DCLK1: variants seen among roughly 807,000 people sequenced by gnomAD.
DCLK1 encodes the protein doublecortin like kinase 1, also known as serine/threonine-protein kinase DCLK1.
A neutral mutation model predicts 86.2 loss-of-function variants in DCLK1; 16 were observed. The ratio of observed to expected loss-of-function variants is 0.19; its 90% CI spans 0.13 to 0.28. The LOEUF is 0.28. Among genes scored for constraint, DCLK1 ranks in the 10% least tolerant of loss-of-function variants. DCLK1 has a pLI of 1.00. For missense variants in DCLK1, 590 were observed against 940.2 expected (o/e 0.63, Z 4.87); for synonymous variants, 369 against 370.5 (o/e 1.00, Z 0.05).
intron 15 of DCLK1, among the ~76,000 whole-genome samples, chr13:35,796,393 G>A (rs909474263): frequency 6.6e-6 from 1 of 152,194 alleles, no homozygotes; most frequent in African/African-American, 2.4e-5. Context: ...ATACGAGAAA[G>A]GGCAGGGTAG....
intron 3 of DCLK1, among the ~76,000 whole-genome samples, chr13:35,990,210 G>A (rs1259821188): frequency 1.3e-5 from 2 of 152,168 alleles, no homozygotes; most frequent in African/African-American, 2.4e-5. Context: ...AGTACAAGTT[G>A]TACTAATACT....
intron 16 of DCLK1, among the ~76,000 whole-genome samples, chr13:35,776,484 G>A (rs983851791): frequency 1.3e-5 from 2 of 152,190 alleles, no homozygotes; most frequent in Non-Finnish European, 1.5e-5. Flanking sequence ...GCAGTCAGAT[G>A]TGGGGAAGAA....
chr13:35,815,596 C>T (rs1209670606), intron 11 of DCLK1, among the ~76,000 whole-genome samples: 2 of 152,162 alleles, frequency 1.3e-5, no homozygotes, highest in African/African-American at 4.8e-5. Flanking sequence ...GAAAAAACGT[C>T]AATTTACTTT....
chr13:35,869,282 C>T (rs1281079327), intron 5 of DCLK1, among the ~76,000 whole-genome samples: 1 of 152,198 alleles, frequency 6.6e-6, no homozygotes, highest in Non-Finnish European at 1.5e-5. Flanking sequence ...TGGTATCTCC[C>T]TTGAAGGGAG....
intron 3 of DCLK1, among the ~76,000 whole-genome samples, chr13:36,070,005 C>G (rs1926318): frequency 6.6e-6 from 1 of 151,790 alleles, no homozygotes; most frequent in South Asian, 2.1e-4. Context: ...ACTTTATGTC[C>G]GGTGAAGAGT....
chr13:36,005,523 A>G (rs1440107568), intron 3 of DCLK1, among the ~76,000 whole-genome samples: 1 of 152,226 alleles, frequency 6.6e-6, no homozygotes, highest in African/African-American at 2.4e-5. Context: ...TAAAATCTAA[A>G]AAGATGGGAA....
intron 3 of DCLK1, among the ~76,000 whole-genome samples, chr13:35,957,833 C>T (rs1202052088): frequency 8.1e-6 from 1 of 123,422 alleles, no homozygotes; most frequent in Non-Finnish European, 1.8e-5. Flanking sequence ...GCAAATTAGT[C>T]TTCTTAAGTA....
chr13:36,075,425 T>A (rs1333699848), intron 3 of DCLK1, among the ~76,000 whole-genome samples: 1 of 152,188 alleles, frequency 6.6e-6, no homozygotes, highest in African/African-American at 2.4e-5. Flanking sequence ...GGCAGAGATA[T>A]TACTTGTATG....
intron 3 of DCLK1, among the ~76,000 whole-genome samples, chr13:35,980,664 C>T (rs766245434): frequency 4.6e-5 from 7 of 152,096 alleles, no homozygotes; most frequent in Admixed American, 2.0e-4. Context: ...GGGCTGGGTG[C>T]GGGGATGGTT....
chr13:36,037,024 A>G (rs1312287052), intron 3 of DCLK1, among the ~76,000 whole-genome samples: 1 of 152,226 alleles, frequency 6.6e-6, no homozygotes, highest in Non-Finnish European at 1.5e-5. Flanking sequence ...TGTGATATAT[A>G]TATCACACAC....
At chr13:35,886,418 G>A (rs1873250404) in intron 4 of DCLK1, among the ~76,000 whole-genome samples, 2 of 152,166 alleles carry the variant, frequency 1.3e-5, no homozygotes, top group African/African-American at 4.8e-5. Flanking sequence ...AATATTGGCA[G>A]GCTTTAGAAT....
chr13:35,815,421 G>C (rs1028741421), intron 11 of DCLK1, among the ~76,000 whole-genome samples: 8 of 152,280 alleles, frequency 5.3e-5, no homozygotes, highest in Non-Finnish European at 1.0e-4. Flanking sequence ...TGGAACAAAC[G>C]TAATTCTCAG....
intron 2 of DCLK1, among the ~76,000 whole-genome samples, chr13:36,120,480 A>G (rs116142937): frequency 6.6e-6 from 1 of 152,180 alleles, no homozygotes; most frequent in African/African-American, 2.4e-5. Context: ...GCTATACCAT[A>G]TAGCCTAGGT....
chr13:36,036,870 C>T (rs375169970), intron 3 of DCLK1, among the ~76,000 whole-genome samples: 1 of 152,074 alleles, frequency 6.6e-6, no homozygotes, highest in Non-Finnish European at 1.5e-5. Flanking sequence ...TCCAGCAATT[C>T]CTCTACTGGG....
rs139444958 is a variant in DCLK1, at chr13:36,043,594, G to A, written c.723+68275C>T. Among the ~76,000 whole-genome samples the A allele has an allele frequency of 4.6e-3, 702 of 152,126 alleles. 5 individuals carry two copies. Among genetic ancestry groups the A allele is most frequent in the African/African-American group, 0.016 (649 of 41,524 alleles). ...AGATTCTCACCAATACATATCATTC[G>A]CAAAATTATTTCACAATATCAGAGA... On this transcript the variant is annotated intron_variant, in intron 3 of 16. Coordinates refer to ENST00000360631, the MANE Select transcript of DCLK1 (RefSeq NM_001330071.2).
At chr13:35,973,851 G>C (rs73178264) in intron 3 of DCLK1, among the ~76,000 whole-genome samples, 13,219 of 152,178 alleles carry the variant, frequency 0.087, 760 homozygotes, top group Middle Eastern at 0.16. Context: ...CCTGGAGGAG[G>C]TCAGAGCACA....
intron 3 of DCLK1, among the ~76,000 whole-genome samples, chr13:35,982,654 G>A (rs1231898508): frequency 6.6e-6 from 1 of 152,140 alleles, no homozygotes; most frequent in Non-Finnish European, 1.5e-5. Context: ...CTTTGGATTT[G>A]GAATACAATT....
chr13:35,976,011 C>G (rs1302422393), intron 3 of DCLK1, among the ~76,000 whole-genome samples: 1 of 152,200 alleles, frequency 6.6e-6, no homozygotes, highest in East Asian at 1.9e-4. Flanking sequence ...ATCACTGGGC[C>G]ACTAAGCAAT....
At chr13:36,087,681 A>T (rs186148011) in intron 3 of DCLK1, among the ~76,000 whole-genome samples, 42 of 152,260 alleles carry the variant, frequency 2.8e-4, no homozygotes, top group Middle Eastern at 3.4e-3. Context: ...TTTCCCACCA[A>T]GAAGACTCCT....
Sources: gnomAD v4.1 joint callset for allele counts (sites outside exome capture counted in the v4.1 genomes callset) on GRCh38, gnomAD v4.1.1 for gene constraint, MANE v1.5 for transcripts, NCBI Gene and HGNC (gene_info 2026-07-23, HGNC 2026-07-21) for gene names.